MSANTD3: variants seen among roughly 807,000 people sequenced by gnomAD.
MSANTD3 encodes Myb/SANT DNA binding domain containing 3.
In MSANTD3, 11 loss-of-function variants were observed where a neutral mutation model predicts 27.7. That is an observed-to-expected ratio of 0.40 (90% confidence interval 0.25 to 0.66). The LOEUF (loss-of-function observed/expected upper bound fraction) is 0.66. MSANTD3 is among the 30% of genes least tolerant of loss of function. MSANTD3 has a pLI of 0.41. For missense variants in MSANTD3, 250 were observed against 336.5 expected (o/e 0.74, Z 2.01); for synonymous variants, 131 against 127.2 (o/e 1.03, Z -0.20).
chr9:100,444,998 C>T (rs1836719873), intron 2 of MSANTD3: 1 of 545,252 alleles, frequency 1.8e-6, no homozygotes, highest in Non-Finnish European at 3.3e-6. Context: ...TAGCCAAATG[C>T]TCCTTGCTCC....
intron 1 of MSANTD3, among the ~76,000 whole-genome samples, chr9:100,435,295 A>G (rs10512270): frequency 0.044 from 6,660 of 152,178 alleles, 329 homozygotes; most frequent in South Asian, 0.22. Context: ...TAAGATCAGC[A>G]GTCTATTAAT....
At chr9:100,437,548 C>T (rs998652559) in intron 1 of MSANTD3, among the ~76,000 whole-genome samples, 1 of 152,190 alleles carries the variant, frequency 6.6e-6, no homozygotes, top group Admixed American at 6.5e-5. Flanking sequence ...CCATAAGGAA[C>T]CTTTGGGGTA....
At chr9:100,448,905 G>A (rs1320737737) in intron 2 of MSANTD3, 1 of 983,488 alleles carries the variant, frequency 1.0e-6, no homozygotes, top group African/African-American at 1.8e-5. Flanking sequence ...CGTAATTAGG[G>A]ACTAGTTATG....
At chr9:100,447,605 A>G (rs1358724795) in intron 2 of MSANTD3, among the ~76,000 whole-genome samples, 2 of 152,186 alleles carry the variant, frequency 1.3e-5, no homozygotes, top group African/African-American at 2.4e-5. Context: ...CAGCTGAGCA[A>G]GTGGAAGAGT....
chr9:100,434,738 G>T lies in MSANTD3; in HGVS notation c.-33-7168G>T, dbSNP rs559973045. 8.5e-5 allele frequency among the ~76,000 whole-genome samples: 13 copies of T among 152,180 alleles called. No homozygotes were observed. The South Asian group carries it at 2.7e-3, about 32-fold the overall frequency. ...AGTGAACCTCTTCCCTCTTCTTCATGCTCAAGGTGCTTTGTCCTCTCTTCT... is the reference window on the plus strand; with the variant it reads ...AGTGAACCTCTTCCCTCTTCTTCATTCTCAAGGTGCTTTGTCCTCTCTTCT... On this transcript the variant is annotated intron_variant, in intron 1 of 2. Transcript: ENST00000395067.
At position 100,445,709 on chromosome 9, in the gene MSANTD3, T is replaced by A. The variant is rs530466352; in HGVS notation, c.418+3353T>A. On this transcript the variant is annotated intron_variant, in intron 2 of 2. Transcript: ENST00000395067. ...TTTATTGGAATTTATGATAAAACTG[T>A]TAAACAGGATGGACTCTAATAGTAT... 4.5e-4 allele frequency among the ~76,000 whole-genome samples: 69 copies of A among 152,302 alleles called. No individual in the cohort carries two copies. In the South Asian group the frequency reaches 0.013, roughly 28 times the overall value.
Position 100,436,846 on chromosome 9 carries a change from C to T in MSANTD3, c.-33-5060C>T, listed in dbSNP as rs1325487532. Among the ~76,000 whole-genome samples the T allele has an allele frequency of 3.9e-5, 6 of 152,134 alleles. No individual in the cohort carries two copies. The East Asian group carries it at 1.2e-3, about 29-fold the overall frequency. ...TTGAGACAGAGTCTCACTCTGTTGC[C>T]CAGGCTGGAGTGCAATGGCTCGACT... On this transcript the variant is annotated intron_variant, in intron 1 of 2. Coordinates refer to ENST00000395067, the MANE Select transcript of MSANTD3 (RefSeq NM_080655.3).
intron 1 of MSANTD3, among the ~76,000 whole-genome samples, chr9:100,427,778 A>T (rs1836278234): frequency 6.6e-6 from 1 of 152,010 alleles, no homozygotes; most frequent in Non-Finnish European, 1.5e-5. Context: ...GCGCTTTTCC[A>T]TACTTGTCTC....
At chr9:100,430,459 T>C (rs1587781334) in intron 1 of MSANTD3, among the ~76,000 whole-genome samples, 1 of 151,486 alleles carries the variant, frequency 6.6e-6, no homozygotes, top group East Asian at 1.9e-4. Flanking sequence ...GAGGGGCTGG[T>C]GGGGGTGCTA....
chr9:100,433,365 A>G (rs1281171337), intron 1 of MSANTD3, among the ~76,000 whole-genome samples: 2 of 151,922 alleles, frequency 1.3e-5, no homozygotes, highest in Non-Finnish European at 2.9e-5. Flanking sequence ...TAACCTCTAT[A>G]TTATACTACC....
chr9:100,439,476 TG>T (rs1159955469), intron 1 of MSANTD3, among the ~76,000 whole-genome samples: 1 of 152,062 alleles, frequency 6.6e-6, no homozygotes, highest in Non-Finnish European at 1.5e-5. Context: ...TTTTGGCTTG[TG>T]GGGCTCTTTT....
At chr9:100,432,785 A>G (rs1836403719) in intron 1 of MSANTD3, among the ~76,000 whole-genome samples, 2 of 152,340 alleles carry the variant, frequency 1.3e-5, no homozygotes, top group South Asian at 2.1e-4. Context: ...GCTCTCTTTC[A>G]TTGGCCAGTA....
intron 1 of MSANTD3, among the ~76,000 whole-genome samples, chr9:100,429,938 G>A (rs1384437735): frequency 1.3e-5 from 2 of 151,872 alleles, no homozygotes; most frequent in African/African-American, 4.8e-5. Context: ...CCTGACCTCA[G>A]GTGATCTGCC....
intron 1 of MSANTD3, among the ~76,000 whole-genome samples, chr9:100,435,406 G>T (rs768541339): frequency 2.0e-5 from 3 of 152,218 alleles, no homozygotes; most frequent in Non-Finnish European, 4.4e-5. Context: ...AGCAAGAGAT[G>T]TGAAATCTTG....
intron 2 of MSANTD3, chr9:100,445,387 G>GT: frequency 1.8e-6 from 1 of 541,970 alleles, no homozygotes; most frequent in Non-Finnish European, 3.3e-6. Context: ...TTGAAATGTG[G>GT]GTAGACCACA....
intron 2 of MSANTD3, among the ~76,000 whole-genome samples, chr9:100,445,436 A>G (rs1403425523): frequency 6.6e-6 from 1 of 152,212 alleles, no homozygotes; most frequent in East Asian, 1.9e-4. Flanking sequence ...CATTTTGAAG[A>G]CTTAGTACCT....
At chr9:100,431,407 G>T (rs1309116896) in intron 1 of MSANTD3, among the ~76,000 whole-genome samples, 1 of 151,634 alleles carries the variant, frequency 6.6e-6, no homozygotes, top group East Asian at 1.9e-4. Context: ...CTGGGCTCAG[G>T]TGGTCCTCCC....
intron 2 of MSANTD3, among the ~76,000 whole-genome samples, chr9:100,447,621 G>A (rs1237978324): frequency 1.3e-5 from 2 of 152,140 alleles, no homozygotes; most frequent in Non-Finnish European, 2.9e-5. Flanking sequence ...AGAGTGGGAG[G>A]CTGATTATTG....
At chr9:100,449,277 G>GTA in intron 2 of MSANTD3, 1 of 983,186 alleles carries the variant, frequency 1.0e-6, no homozygotes, top group Non-Finnish European at 1.2e-6. Context: ...ACCAAACGTG[G>GTA]TATCCTTTTG....
Sources: allele counts gnomAD v4.1 joint callset (sites outside exome capture counted in the v4.1 genomes callset), GRCh38; gene constraint gnomAD v4.1.1; transcripts MANE v1.5; gene names NCBI Gene and HGNC (gene_info 2026-07-23, HGNC 2026-07-21).